The following DNAH6 variants were observed in gnomAD, a reference collection of about 807,000 sequenced individuals.
DNAH6 encodes the protein axonemal beta dynein heavy chain 6.
DNAH6 carries 340 observed loss-of-function variants against 491.4 expected under a neutral mutation model. The observed-to-expected ratio is 0.69, with a 90% CI of 0.63 to 0.76. DNAH6 has a LOEUF of 0.76. DNAH6 is among the 30% of genes least tolerant of loss of function. DNAH6 has a pLI of 0.00. For synonymous variants in DNAH6, 1,603 were observed against 1,686.1 expected, an observed-to-expected ratio of 0.95 and a Z score of 1.21; for missense variants, 4,443 against 4,972.2, an observed-to-expected ratio of 0.89 and a Z score of 3.20.
chr2:84,625,018 C>A lies in DNAH6; in HGVS notation c.4470C>A (p.Ala1490=), dbSNP rs1232294664. 1.3e-6 allele frequency: 2 copies of A among 1,551,448 alleles called. No individual in the cohort carries two copies. Among genetic ancestry groups the A allele is most frequent in the African/African-American group, 1.4e-5 (1 of 73,054 alleles). Residue 1490 remains alanine (A), a synonymous_variant, in exon 29 of 77, where the codon GCC becomes GCA. Transcript: ENST00000389394. ...ETTKDLAKAL[A]IQCVVFNCSD... ...CCAAAGATCTGGCAAAAGCTCTTGC[C>A]ATCCAGTGTGTGGTCTTTAACTGTT...
Position 84,796,383 on chromosome 2 carries a change from T to C in DNAH6, c.11317T>C (p.Ser3773Pro), listed in dbSNP as rs979950994. ...CLRTILKRFF[S>P]PETLEEDYKY... ...TCGTACTATCTTGAAAAGATTTTTT[T>C]CTCCTGAAACATTAGAAGAAGATTA... The change falls in exon 69 of 77, where the codon TCT becomes CCT. Residue 3773 changes from serine to proline, a missense_variant. This residue lies in a region of DNAH6 where 1,463 missense variants were observed against 1,656.6 expected (regional missense o/e 0.88). Transcript: ENST00000389394. 1 of 1,526,276 alleles carries C rather than the reference T, an allele frequency of 6.6e-7. No homozygotes were observed. Among genetic ancestry groups the C allele is most frequent in the African/African-American group, 1.4e-5 (1 of 72,332 alleles). 94.5% of individuals were successfully genotyped at this position (1,526,276 alleles called of 1,614,324 possible). A position where few individuals can be genotyped will look rare whatever the true frequency, so the allele number is the denominator to read the frequency against.
rs551045112 is a variant in DNAH6, at chr2:84,725,140, T to G, written c.9972+2336T>G. On this transcript the variant is annotated intron_variant, in intron 60 of 76. Coordinates refer to ENST00000389394, the MANE Select transcript of DNAH6 (RefSeq NM_001370.2). The stretch of plus-strand genomic sequence containing the variant: ...TAGCACCACATAATGCTCGAGTGTT[T>G]CATGAATGAAGAGTCTGTTTTGATC... Among the ~76,000 whole-genome samples the G allele has an allele frequency of 2.6e-5, 4 of 152,314 alleles. No individual in the cohort carries two copies. In the East Asian group the frequency reaches 7.7e-4, roughly 29 times the overall value.
At chr2:84,736,321 G>A (rs1394858314) in intron 62 of DNAH6, among the ~76,000 whole-genome samples, 1 of 152,038 alleles carries the variant, frequency 6.6e-6, no homozygotes, top group Non-Finnish European at 1.5e-5. Flanking sequence ...TGCCTTGGCT[G>A]TTTGGGCATA....
At chr2:84,742,421 TCCATTTGACAATGTCTAGA>T (rs1436021307) in intron 62 of DNAH6, among the ~76,000 whole-genome samples, 1 of 152,192 alleles carries the variant, frequency 6.6e-6, no homozygotes, top group African/African-American at 2.4e-5. Flanking sequence ...GAGGAAGATT[TCCATTTGACAATGTCTAGA>T]GACATTTTTG....
intron 76 of DNAH6, among the ~76,000 whole-genome samples, chr2:84,818,391 G>A (rs1002796137): frequency 6.8e-6 from 1 of 148,078 alleles, no homozygotes; most frequent in East Asian, 2.0e-4. Context: ...GGGAGACTGA[G>A]GCAGGAGGAT....
the DNAH6 span, among the ~76,000 whole-genome samples, chr2:84,494,516 G>A: frequency 2.1e-4 from 32 of 152,042 alleles, no homozygotes; most frequent in Admixed American, 5.2e-4. Flanking sequence ...TATCATACAC[G>A]GACTAAAGAA....
At chr2:84,738,676 G>A (rs955636472) in intron 62 of DNAH6, among the ~76,000 whole-genome samples, 7 of 151,186 alleles carry the variant, frequency 4.6e-5, no homozygotes, top group East Asian at 1.9e-4. Flanking sequence ...TTTGTTTTCC[G>A]TTGCGTGACA....
intron 21 of DNAH6, among the ~76,000 whole-genome samples, chr2:84,608,977 C>G (rs1343689551): frequency 6.6e-6 from 1 of 152,204 alleles, no homozygotes; most frequent in Non-Finnish European, 1.5e-5. Context: ...TCAGCACTTG[C>G]TACTTCACCT....
intron 70 of DNAH6, among the ~76,000 whole-genome samples, chr2:84,800,681 A>C (rs1039343894): frequency 6.6e-6 from 1 of 152,198 alleles, no homozygotes; most frequent in African/African-American, 2.4e-5. Flanking sequence ...TGGTCCTTTG[A>C]ATCAACCCAG....
intron 63 of DNAH6, among the ~76,000 whole-genome samples, chr2:84,756,769 T>C (rs559338328): frequency 1.3e-5 from 2 of 152,304 alleles, no homozygotes; most frequent in Non-Finnish European, 2.9e-5. Context: ...AAAGTATTCC[T>C]CTGAAGCCAG....
chr2:84,768,158 G>GT (rs1175356696), intron 64 of DNAH6, among the ~76,000 whole-genome samples: 1 of 151,910 alleles, frequency 6.6e-6, no homozygotes, highest in African/African-American at 2.4e-5. Context: ...AGAGGGAAAT[G>GT]TATAGGCTTA....
chr2:84,470,907 G>T, the DNAH6 span, among the ~76,000 whole-genome samples: 1 of 152,182 alleles, frequency 6.6e-6, no homozygotes, highest in African/African-American at 2.4e-5. Flanking sequence ...AGCTCTGGGA[G>T]CCATGCTATT....
chr2:84,468,909 A>T, the DNAH6 span, among the ~76,000 whole-genome samples: 1 of 152,338 alleles, frequency 6.6e-6, no homozygotes, highest in South Asian at 2.1e-4. Flanking sequence ...CCAAGGACAT[A>T]TAATGAGGTG....
intron 4 of DNAH6, among the ~76,000 whole-genome samples, chr2:84,529,450 C>A (rs1676947226): frequency 6.6e-6 from 1 of 151,946 alleles, no homozygotes; most frequent in Non-Finnish European, 1.5e-5. Context: ...ATTTTTGATA[C>A]TTTATGATTA....
At position 84,713,128 on chromosome 2, in the gene DNAH6, A is replaced by G. The variant is rs1364514512; in HGVS notation, c.9412A>G (p.Ile3138Val). 3 of 1,551,714 alleles carry G rather than the reference A, an allele frequency of 1.9e-6. No individual in the cohort carries two copies. The highest frequency in any genetic ancestry group is 2.7e-5 in the African/African-American group (2 of 73,182). ...AACCTTGGATCCAGCTCTAGAACCC[A>G]TTCTTTTGAAACAAATTTTTATCAG... is the stretch of plus-strand genomic sequence containing the variant. ...KETLDPALEPILLKQIFISGG... is the reference protein window; with the variant it reads ...KETLDPALEPVLLKQIFISGG... Residue 3138 changes from isoleucine (I) to valine (V), a missense_variant, in exon 57 of 77, where the codon ATT (isoleucine) becomes GTT (valine). Physicochemically the swap from Ile to Val is conservative, Grantham distance 29. Transcript: ENST00000389394.
chr2:84,723,166 T>A (rs1698322582), intron 60 of DNAH6, among the ~76,000 whole-genome samples: 1 of 152,082 alleles, frequency 6.6e-6, no homozygotes. Flanking sequence ...AGGTGGATGT[T>A]TCAATGAGCC....
At chr2:84,676,898 A>G (rs994189002) in intron 40 of DNAH6, 107 bp from the exon 41 acceptor site, 6 of 1,301,438 alleles carry the variant, frequency 4.6e-6, no homozygotes, top group East Asian at 2.5e-5. Context: ...AACATGCACA[A>G]AAAAAAATGT....
intron 37 of DNAH6, among the ~76,000 whole-genome samples, chr2:84,660,648 G>C (rs1279501182): frequency 1.3e-5 from 2 of 151,932 alleles, no homozygotes; most frequent in Non-Finnish European, 2.9e-5. Context: ...CAGCACCTTA[G>C]CTACATGATC....
At chr2:84,784,123 AT>A (rs1172753467) in intron 65 of DNAH6, among the ~76,000 whole-genome samples, 1 of 152,138 alleles carries the variant, frequency 6.6e-6, no homozygotes, top group Non-Finnish European at 1.5e-5. Context: ...GGGAACAATG[AT>A]TTTTCCAACT....
Sources: allele counts gnomAD v4.1 joint callset (sites outside exome capture counted in the v4.1 genomes callset), GRCh38; gene constraint gnomAD v4.1.1; regional missense constraint gnomAD v4.1.1; transcripts MANE v1.5; gene names NCBI Gene and HGNC (gene_info 2026-07-23, HGNC 2026-07-21).